Variants in CAMK1D observed in about 807,000 individuals in gnomAD.
The protein encoded by CAMK1D is calcium/calmodulin dependent protein kinase ID.
Under a neutral mutation model 47.7 loss-of-function variants are expected in CAMK1D, and 9 were observed. The observed-to-expected ratio is 0.19, with a 90% CI of 0.11 to 0.33. The LOEUF is 0.33. Ranked by LOEUF, CAMK1D falls within the 10% of genes least tolerant of loss-of-function variation. The pLI is 1.00. For missense variants in CAMK1D, 291 were observed against 488.7 expected (o/e 0.60, Z 3.81); for synonymous variants, 184 against 184.9 (o/e 0.99, Z 0.04).
At position 12,436,617 on chromosome 10, in the gene CAMK1D, A is replaced by G. The variant is rs556150382; in HGVS notation, c.92+86707A>G. 3.3e-5 allele frequency among the ~76,000 whole-genome samples: 5 copies of G among 152,282 alleles called. No homozygotes were observed. The South Asian group carries it at 1.0e-3, about 32-fold the overall frequency. On this transcript the variant is annotated intron_variant, in intron 1 of 10. Transcript: ENST00000619168. Reference sequence around the variant, plus strand: ...GGAAGCCTGACATTCTAATCTCATAAGCTCGGATGCTGTAGTTAGCCCATC... The same window carrying G: ...GGAAGCCTGACATTCTAATCTCATAGGCTCGGATGCTGTAGTTAGCCCATC...
chr10:12,527,913 C>T (rs1371541772), intron 1 of CAMK1D, among the ~76,000 whole-genome samples: 4 of 152,104 alleles, frequency 2.6e-5, no homozygotes, highest in Non-Finnish European at 4.4e-5. Flanking sequence ...TTGTATGTCC[C>T]CTATATTTAG....
chr10:12,419,324 G>C (rs961272927), intron 1 of CAMK1D, among the ~76,000 whole-genome samples: 3 of 152,020 alleles, frequency 2.0e-5, no homozygotes, highest in African/African-American at 7.2e-5. Context: ...CTGGGGCCAC[G>C]GAACTCAAAG....
intron 2 of CAMK1D, among the ~76,000 whole-genome samples, chr10:12,625,817 C>T (rs1839198158): frequency 6.6e-6 from 1 of 152,040 alleles, no homozygotes; most frequent in Admixed American, 6.6e-5. Flanking sequence ...TACATTTGAA[C>T]GTGTCTAGGA....
intron 5 of CAMK1D, among the ~76,000 whole-genome samples, chr10:12,771,802 G>A (rs1340871598): frequency 6.6e-6 from 1 of 152,218 alleles, no homozygotes; most frequent in African/African-American, 2.4e-5. Context: ...GAGAGGCCAA[G>A]GTGGTTGGGT....
Position 12,666,796 on chromosome 10 carries a change from C to T in CAMK1D, c.285C>T (p.Tyr95=). Residue 95 remains tyrosine, a synonymous_variant, in exon 3 of 11, where the codon TAC becomes TAT. Transcript: ENST00000619168. ...EDIYESPNHL[Y]LVMQLVSGGE... ...TTTATGAAAGCCCAAATCACCTGTACTTGGTCATGCAGCTGTAAGTACCTT... is the reference window on the plus strand; with the variant it reads ...TTTATGAAAGCCCAAATCACCTGTATTTGGTCATGCAGCTGTAAGTACCTT... 6.2e-7 allele frequency: 1 copy of T among 1,613,276 alleles called. No individual in the cohort carries two copies. Among genetic ancestry groups the T allele is most frequent in the Non-Finnish European group, 8.5e-7 (1 of 1,179,400 alleles).
chr10:12,402,295 G>A (rs546158404), intron 1 of CAMK1D, among the ~76,000 whole-genome samples: 54 of 152,154 alleles, frequency 3.5e-4, no homozygotes, highest in African/African-American at 1.3e-3. Context: ...GTGCAGTGAT[G>A]TGATCACAGC....
At chr10:12,727,699 A>G (rs1834708925) in intron 3 of CAMK1D, among the ~76,000 whole-genome samples, 1 of 151,998 alleles carries the variant, frequency 6.6e-6, no homozygotes, top group South Asian at 2.1e-4. Flanking sequence ...GTATCACAAT[A>G]TATCATAGGA....
intron 3 of CAMK1D, among the ~76,000 whole-genome samples, chr10:12,689,307 A>G (rs1564493770): frequency 6.6e-6 from 1 of 152,226 alleles, no homozygotes; most frequent in Non-Finnish European, 1.5e-5. Context: ...ATACTCATTA[A>G]CTAAACAAAC....
intron 3 of CAMK1D, among the ~76,000 whole-genome samples, chr10:12,693,956 T>A (rs1475591033): frequency 3.3e-5 from 2 of 60,690 alleles, no homozygotes; most frequent in African/African-American, 6.3e-5. Context: ...ATAATATATA[T>A]TATATATAAA....
At chr10:12,364,096 C>G (rs1245789562) in intron 1 of CAMK1D, among the ~76,000 whole-genome samples, 3 of 152,044 alleles carry the variant, frequency 2.0e-5, no homozygotes, top group African/African-American at 7.2e-5. Flanking sequence ...TTCCTTCTGA[C>G]TCTTAGTGAG....
chr10:12,661,115 C>T (rs1260877250), intron 2 of CAMK1D, among the ~76,000 whole-genome samples: 1 of 152,158 alleles, frequency 6.6e-6, no homozygotes, highest in Non-Finnish European at 1.5e-5. Context: ...TTCTGTCTGA[C>T]CCACTGGAAT....
At chr10:12,376,814 C>T (rs56226491) in intron 1 of CAMK1D, among the ~76,000 whole-genome samples, 2,890 of 150,590 alleles carry the variant, frequency 0.019, 99 homozygotes, top group African/African-American at 0.067. Flanking sequence ...AGTACAGTGG[C>T]GTGATCTCGG....
chr10:12,394,863 G>C (rs1469747861), intron 1 of CAMK1D, among the ~76,000 whole-genome samples: 1 of 152,022 alleles, frequency 6.6e-6, no homozygotes, highest in African/African-American at 2.4e-5. Context: ...CTGTAGCAGG[G>C]CTGTGATCTG....
At chr10:12,353,725 G>C (rs1837416438) in intron 1 of CAMK1D, among the ~76,000 whole-genome samples, 1 of 152,126 alleles carries the variant, frequency 6.6e-6, no homozygotes, top group Non-Finnish European at 1.5e-5. Context: ...GGGAATCCCA[G>C]AACATAACCA....
intron 3 of CAMK1D, among the ~76,000 whole-genome samples, chr10:12,705,216 G>A (rs543371422): frequency 1.3e-5 from 2 of 152,142 alleles, no homozygotes; most frequent in African/African-American, 2.4e-5. Context: ...ATCCCAGCAC[G>A]TTGGGAGGCT....
chr10:12,467,445 G>A (rs1315801185), intron 1 of CAMK1D, among the ~76,000 whole-genome samples: 3 of 152,094 alleles, frequency 2.0e-5, no homozygotes, highest in Non-Finnish European at 4.4e-5. Flanking sequence ...GAGCCACTGC[G>A]CCCAGTCACT....
chr10:12,672,901 T>TTTTTTTTTTGTTTTTTTTTTTTTTTTG (rs1554807923), intron 3 of CAMK1D, among the ~76,000 whole-genome samples: 1 of 147,064 alleles, frequency 6.8e-6, no homozygotes, highest in African/African-American at 2.5e-5. Flanking sequence ...CTTGCCTTTT[T>TTTTTTTTTTGTTTTTTTTTTTTTTTTG]TTTTTTTTTT....
At chr10:12,425,290 T>C (rs1462185605) in intron 1 of CAMK1D, among the ~76,000 whole-genome samples, 1 of 151,026 alleles carries the variant, frequency 6.6e-6, no homozygotes, top group Non-Finnish European at 1.5e-5. Context: ...CTTTCTTTTT[T>C]TTTTTTTTTG....
chr10:12,579,200 C>T (rs1022577831), intron 2 of CAMK1D, among the ~76,000 whole-genome samples: 9 of 152,258 alleles, frequency 5.9e-5, no homozygotes, highest in South Asian at 2.1e-4. Context: ...GGAACAGCAT[C>T]GTGGCTGATG....
Sources: gnomAD v4.1 joint callset for allele counts (sites outside exome capture counted in the v4.1 genomes callset) on GRCh38, gnomAD v4.1.1 for gene constraint, MANE v1.5 for transcripts, NCBI Gene and HGNC (gene_info 2026-07-23, HGNC 2026-07-21) for gene names.